PDE11A: variants seen among roughly 807,000 people sequenced by gnomAD.
PDE11A encodes the protein dual 3',5'-cyclic-AMP and -GMP phosphodiesterase 11A.
Under a neutral mutation model 100.5 loss-of-function variants are expected in PDE11A, and 100 were observed. That is an observed-to-expected ratio of 1.00 (90% CI 0.85 to 1.18). PDE11A has a LOEUF of 1.18. PDE11A is among the 50% of genes most tolerant of loss of function. The probability of loss-of-function intolerance (pLI) is 0.00; values close to 1 mark genes in which losing one functional copy is unlikely to be tolerated. For missense variants in PDE11A, 1,141 were observed against 1,152.6 expected, an observed-to-expected ratio of 0.99 and a Z score of 0.15; for synonymous variants, 381 against 420.8, an observed-to-expected ratio of 0.91 and a Z score of 1.16.
At chr2:177,963,538 T>G (rs1211698454) in intron 2 of PDE11A, among the ~76,000 whole-genome samples, 3 of 152,194 alleles carry the variant, frequency 2.0e-5, no homozygotes, top group Non-Finnish European at 4.4e-5. Context: ...ATAGATCCAC[T>G]CTTGCCTGCA....
chr2:177,917,788 TC>T (rs1199004380), intron 2 of PDE11A, among the ~76,000 whole-genome samples: 1 of 152,182 alleles, frequency 6.6e-6, no homozygotes, highest in Non-Finnish European at 1.5e-5. Flanking sequence ...TACTTATATA[TC>T]TTTTTTTTAA....
intron 5 of PDE11A, among the ~76,000 whole-genome samples, chr2:177,848,916 A>G (rs1012661234): frequency 1.3e-5 from 2 of 152,168 alleles, no homozygotes; most frequent in East Asian, 1.9e-4. Context: ...TACTTTTCCA[A>G]AAAAAAGAGT....
chr2:177,800,963 C>T (rs766551992), intron 9 of PDE11A, among the ~76,000 whole-genome samples: 10 of 152,200 alleles, frequency 6.6e-5, no homozygotes, highest in Non-Finnish European at 1.3e-4. Context: ...GAGAGAAGCA[C>T]CCTAAAAACC....
intron 2 of PDE11A, among the ~76,000 whole-genome samples, chr2:177,910,492 T>C (rs893524354): frequency 3.9e-5 from 6 of 152,126 alleles, no homozygotes; most frequent in African/African-American, 1.4e-4. Context: ...ATTCTGCTCT[T>C]TCTGAAGTCC....
Position 177,851,781 on chromosome 2 carries a change from A to T in PDE11A, c.1368-11398T>A, listed in dbSNP as rs117559302. Among the ~76,000 whole-genome samples, 59 of 152,128 alleles carry T rather than the reference A, an allele frequency of 3.9e-4. No individual in the cohort carries two copies. The East Asian group carries it at 6.0e-3, about 15-fold the overall frequency. ...AAGTTCAGGGGTACATGTTCAGGGCATGCAGGTTTGTTACATAGGTAAACA... is the reference window on the plus strand; with the variant it reads ...AAGTTCAGGGGTACATGTTCAGGGCTTGCAGGTTTGTTACATAGGTAAACA... On this transcript the variant is annotated intron_variant, in intron 5 of 19. Transcript: ENST00000286063.
intron 6 of PDE11A, among the ~76,000 whole-genome samples, chr2:177,834,280 C>T (rs561899548): frequency 2.3e-4 from 35 of 152,286 alleles, no homozygotes; most frequent in Admixed American, 2.2e-3. Flanking sequence ...CCAAACATCT[C>T]TCTCACTTTT....
chr2:177,702,304 GACTCCGTCTC>G lies in PDE11A; in HGVS notation c.2154-1103_2154-1094del, dbSNP rs1195135488. On this transcript the variant is annotated intron_variant, in intron 13 of 19. Transcript: ENST00000286063. Reference sequence around the variant, plus strand: ...CACCCCAGCCTGGGCGACAGAGTGAGACTCCGTCTCAAAAAAAAAAAAAAAGTTCAAAAAG... The same window carrying G: ...CACCCCAGCCTGGGCGACAGAGTGAGAAAAAAAAAAAAAAAGTTCAAAAAG... 3.0e-5 allele frequency among the ~76,000 whole-genome samples: 4 copies of G among 131,648 alleles called. No homozygotes were observed. In the East Asian group the frequency reaches 9.2e-4, roughly 30 times the overall value. 86.4% of individuals were successfully genotyped at this position (131,648 alleles called of 152,430 possible).
chr2:177,971,720 C>T (rs2085772818), intron 2 of PDE11A, among the ~76,000 whole-genome samples: 1 of 152,048 alleles, frequency 6.6e-6, no homozygotes, highest in Admixed American at 6.6e-5. Context: ...TATGTAAGGT[C>T]ACCAGGGTAT....
chr2:177,660,127 CTT>C (rs1446890290), intron 19 of PDE11A, among the ~76,000 whole-genome samples: 1 of 92,036 alleles, frequency 1.1e-5, no homozygotes, highest in South Asian at 5.0e-4. Flanking sequence ...TTCTTTCTTT[CTT>C]TCATTCCTTC....
chr2:178,020,665 G>A (rs1026729113), intron 1 of PDE11A, among the ~76,000 whole-genome samples: 2 of 152,044 alleles, frequency 1.3e-5, no homozygotes, highest in Non-Finnish European at 2.9e-5. Context: ...GGTGGTAGGC[G>A]CCTGTAATCC....
intron 4 of PDE11A, among the ~76,000 whole-genome samples, chr2:177,886,255 T>C (rs1240707040): frequency 2.0e-5 from 3 of 152,214 alleles, no homozygotes; most frequent in Non-Finnish European, 2.9e-5. Context: ...AATCTTTCCT[T>C]CTTCCCAGTC....
intron 2 of PDE11A, among the ~76,000 whole-genome samples, chr2:178,013,969 A>G (rs2086302691): frequency 6.6e-6 from 1 of 152,158 alleles, no homozygotes; most frequent in African/African-American, 2.4e-5. Context: ...CAATCTTCCT[A>G]TATTTTCTAT....
chr2:177,922,705 T>G (rs1294505897), intron 2 of PDE11A: 1 of 985,334 alleles, frequency 1.0e-6, no homozygotes, highest in Non-Finnish European at 1.2e-6. Flanking sequence ...CAATCCAAGC[T>G]ACCTTTCTGG....
intron 4 of PDE11A, among the ~76,000 whole-genome samples, chr2:177,894,335 CA>C (rs1364093668): frequency 6.6e-6 from 1 of 152,076 alleles, no homozygotes; most frequent in Admixed American, 6.5e-5. Context: ...GCAGACTTGC[CA>C]AAAAGTCTTC....
chr2:177,703,156 T>A (rs930619461), intron 13 of PDE11A, among the ~76,000 whole-genome samples: 5 of 152,130 alleles, frequency 3.3e-5, no homozygotes, highest in African/African-American at 1.2e-4. Flanking sequence ...CAGTTCAAGT[T>A]GGGAGGTTGA....
chr2:177,688,176 T>C (rs1281159132), intron 15 of PDE11A: 2 of 152,208 alleles, frequency 1.3e-5, no homozygotes, highest in African/African-American at 4.8e-5. Flanking sequence ...CAGGCTGCTG[T>C]ACCAAGGCAA....
At chr2:177,944,015 T>C (rs566018499) in intron 2 of PDE11A, among the ~76,000 whole-genome samples, 1 of 152,224 alleles carries the variant, frequency 6.6e-6, no homozygotes, top group East Asian at 1.9e-4. Flanking sequence ...CAGAAGTTAA[T>C]GTTGAGTTTG....
At chr2:177,778,700 G>A (rs752499553) in intron 9 of PDE11A, among the ~76,000 whole-genome samples, 1 of 152,154 alleles carries the variant, frequency 6.6e-6, no homozygotes, top group Non-Finnish European at 1.5e-5. Flanking sequence ...CGACAGAAGT[G>A]TCATCTAACT....
intron 10 of PDE11A, among the ~76,000 whole-genome samples, chr2:177,735,615 G>C (rs760599435): frequency 2.6e-5 from 4 of 152,166 alleles, no homozygotes; most frequent in Non-Finnish European, 5.9e-5. Flanking sequence ...ATACCAGGAG[G>C]CACAGACAGG....
Sources: allele counts gnomAD v4.1 joint callset (sites outside exome capture counted in the v4.1 genomes callset), GRCh38; gene constraint gnomAD v4.1.1; transcripts MANE v1.5; gene names NCBI Gene and HGNC (gene_info 2026-07-23, HGNC 2026-07-21).